The following CNTN1 variants were observed in gnomAD, a reference collection of about 807,000 sequenced individuals.
CNTN1 encodes contactin-1.
In CNTN1, 38 loss-of-function variants were observed where a neutral mutation model predicts 126.4. The ratio of observed to expected loss-of-function variants is 0.30; its 90% CI spans 0.23 to 0.39. The LOEUF is 0.39. Among genes scored for constraint, CNTN1 ranks in the 10% least tolerant of loss-of-function variants. The pLI, the probability that CNTN1 is intolerant of heterozygous loss-of-function variation, is 1.00. For synonymous variants in CNTN1, 413 were observed against 422.6 expected, an observed-to-expected ratio of 0.98 and a Z score of 0.28; for missense variants, 1,009 against 1,248.4, an observed-to-expected ratio of 0.81 and a Z score of 2.89.
chr12:41,050,782 G>A (rs75220692), intron 23 of CNTN1, among the ~76,000 whole-genome samples: 2,457 of 152,182 alleles, frequency 0.016, 71 homozygotes, highest in African/African-American at 0.053. Context: ...AAGTATGAGT[G>A]GGAAAGACAA....
At chr12:40,882,975 T>C (rs574411658) in intron 1 of CNTN1, among the ~76,000 whole-genome samples, 1 of 151,748 alleles carries the variant, frequency 6.6e-6, no homozygotes, top group Admixed American at 6.6e-5. Context: ...ATATTTAAGA[T>C]GCATCTGATC....
chr12:40,973,295 T>C (rs1050880224), intron 15 of CNTN1, among the ~76,000 whole-genome samples: 3 of 152,128 alleles, frequency 2.0e-5, no homozygotes, highest in East Asian at 1.9e-4. Flanking sequence ...TTGATTTATA[T>C]TTTAAAATAG....
intron 1 of CNTN1, among the ~76,000 whole-genome samples, chr12:40,863,937 T>TCCCC (rs1943204017): frequency 5.0e-5 from 6 of 120,844 alleles, no homozygotes; most frequent in African/African-American, 9.1e-5. Context: ...CCTCCCTCCC[T>TCCCC]CCCTCCCTCC....
At chr12:40,797,445 A>T (rs997111588) in intron 1 of CNTN1, among the ~76,000 whole-genome samples, 1 of 151,952 alleles carries the variant, frequency 6.6e-6, no homozygotes, top group African/African-American at 2.4e-5. Flanking sequence ...AGAGACAGAG[A>T]GTATGTTAGG....
chr12:40,838,611 C>T (rs1038041686), intron 1 of CNTN1, among the ~76,000 whole-genome samples: 1 of 152,170 alleles, frequency 6.6e-6, no homozygotes, highest in Non-Finnish European at 1.5e-5. Context: ...CCCAGCATAA[C>T]TTCACCACAG....
At chr12:40,764,162 A>T (rs1489378932) in intron 1 of CNTN1, among the ~76,000 whole-genome samples, 1 of 152,206 alleles carries the variant, frequency 6.6e-6, no homozygotes, top group Non-Finnish European at 1.5e-5. Context: ...GTGATTATTT[A>T]TTGAACCATA....
intron 17 of CNTN1, chr12:41,005,139 C>T (rs1389840695): frequency 6.6e-6 from 1 of 151,996 alleles, no homozygotes; most frequent in Non-Finnish European, 1.5e-5. Context: ...TAATAAATTC[C>T]TTCAGTGTTT....
At chr12:40,848,034 G>T (rs1382954443) in intron 1 of CNTN1, among the ~76,000 whole-genome samples, 1 of 152,184 alleles carries the variant, frequency 6.6e-6, no homozygotes, top group Non-Finnish European at 1.5e-5. Context: ...ATGCTTGCCT[G>T]CACTCTGCTC....
chr12:40,764,176 T>C (rs1938984156), intron 1 of CNTN1, among the ~76,000 whole-genome samples: 1 of 152,130 alleles, frequency 6.6e-6, no homozygotes, highest in Non-Finnish European at 1.5e-5. Flanking sequence ...AACCATAATA[T>C]CTACCTGAAG....
In CNTN1 at chr12:40,929,354, A is replaced by AC. The variant is rs1491449183; in HGVS notation, c.497-442_497-441insC. 4.2e-3 allele frequency among the ~76,000 whole-genome samples: 542 copies of AC among 129,086 alleles called. 2 individuals are homozygous for AC. The highest frequency in any genetic ancestry group is 0.016 in the African/African-American group (492 of 31,204). The allele number at this position is 129,086 out of a possible 152,430, so 84.7% of individuals were successfully genotyped here. A position where few individuals can be genotyped will look rare whatever the true frequency, so the allele number is the denominator to read the frequency against. The stretch of plus-strand genomic sequence containing the variant: ...AATAGGTGCACACACACACACACAC[A>AC]AAAAAAAAAAGATAAAGCAATAATA... On this transcript the variant is annotated intron_variant, in intron 6 of 23. Transcript: ENST00000551295.
At chr12:40,731,473 G>A (rs1489757130) in intron 1 of CNTN1, among the ~76,000 whole-genome samples, 2 of 151,884 alleles carry the variant, frequency 1.3e-5, no homozygotes, top group African/African-American at 4.8e-5. Context: ...GGAAACAACA[G>A]TCTGAGCAAA....
chr12:40,922,125 C>A, intron 4 of CNTN1, 131 bp from the exon 5 acceptor site: 1 of 753,302 alleles, frequency 1.3e-6, no homozygotes, highest in Admixed American at 2.0e-5. Context: ...AAAGAAATAC[C>A]ACCTGAATCA....
At chr12:41,011,908 C>T (rs1362050549) in intron 17 of CNTN1, among the ~76,000 whole-genome samples, 3 of 152,124 alleles carry the variant, frequency 2.0e-5, no homozygotes, top group African/African-American at 7.2e-5. Context: ...ATGTAGGGAC[C>T]AAATGGCCAT....
intron 1 of CNTN1, among the ~76,000 whole-genome samples, chr12:40,883,588 G>C (rs1366128394): frequency 6.6e-6 from 1 of 151,478 alleles, no homozygotes; most frequent in East Asian, 1.9e-4. Flanking sequence ...AGACACTCTG[G>C]TTTAAAGAAT....
At chr12:40,998,219 C>T (rs1406460759) in intron 17 of CNTN1, among the ~76,000 whole-genome samples, 5 of 152,048 alleles carry the variant, frequency 3.3e-5, no homozygotes, top group Admixed American at 6.5e-5. Flanking sequence ...AAGAAGAAAG[C>T]GGTCATTTTT....
intron 23 of CNTN1, 43 bp from the exon 24 acceptor site, chr12:41,069,916 T>A: frequency 6.7e-7 from 1 of 1,487,098 alleles, no homozygotes; most frequent in Non-Finnish European, 9.4e-7. Flanking sequence ...AATAGTGACA[T>A]GTATCAATGA....
chr12:41,038,077 G>A (rs552248990), intron 23 of CNTN1, among the ~76,000 whole-genome samples: 20 of 152,216 alleles, frequency 1.3e-4, no homozygotes, highest in African/African-American at 4.8e-4. Flanking sequence ...AGAATTGCTT[G>A]AACCCAGGAG....
At chr12:41,050,882 T>A (rs932793049) in intron 23 of CNTN1, among the ~76,000 whole-genome samples, 5 of 152,172 alleles carry the variant, frequency 3.3e-5, no homozygotes, top group African/African-American at 1.2e-4. Flanking sequence ...TTACCACTTA[T>A]GAAATTTTAA....
At chr12:40,702,639 T>G (rs1456687537) in intron 1 of CNTN1, among the ~76,000 whole-genome samples, 2 of 152,112 alleles carry the variant, frequency 1.3e-5, no homozygotes, top group South Asian at 2.1e-4. Flanking sequence ...AGAGGCCATG[T>G]TGGCCAGGCT....
Sources: allele counts gnomAD v4.1 joint callset (sites outside exome capture counted in the v4.1 genomes callset), GRCh38; gene constraint gnomAD v4.1.1; transcripts MANE v1.5; gene names NCBI Gene and HGNC (gene_info 2026-07-23, HGNC 2026-07-21).